The following LRP1B variants were observed in gnomAD, a reference collection of about 807,000 sequenced individuals.
LRP1B encodes the protein low-density lipoprotein receptor-related protein 1B.
Under a neutral mutation model 556.6 loss-of-function variants are expected in LRP1B, and 217 were observed. That is an observed-to-expected ratio of 0.39 (90% confidence interval 0.35 to 0.44). The LOEUF (loss-of-function observed/expected upper bound fraction) is 0.44. Ranked by LOEUF, LRP1B falls within the 20% of genes least tolerant of loss-of-function variation. The pLI, the probability that LRP1B is intolerant of heterozygous loss-of-function variation, is 1.00. For missense variants in LRP1B, 5,053 were observed against 5,620.8 expected, an observed-to-expected ratio of 0.90 and a Z score of 3.23; for synonymous variants, 2,047 against 1,865.8, an observed-to-expected ratio of 1.10 and a Z score of -2.50.
At chr2:141,082,224 T>A (rs1000748504) in intron 7 of LRP1B, among the ~76,000 whole-genome samples, 1 of 152,118 alleles carries the variant, frequency 6.6e-6, no homozygotes, top group Admixed American at 6.6e-5. Context: ...AAAAGAGTAG[T>A]GAAATGCCAA....
At chr2:140,479,351 C>T (rs751690147) in intron 59 of LRP1B, among the ~76,000 whole-genome samples, 1 of 151,122 alleles carries the variant, frequency 6.6e-6, no homozygotes, top group Non-Finnish European at 1.5e-5. Flanking sequence ...TGACAACTGC[C>T]GTGAAAATGT....
intron 2 of LRP1B, among the ~76,000 whole-genome samples, chr2:141,528,326 A>T (rs1223901876): frequency 6.6e-6 from 1 of 151,976 alleles, no homozygotes; most frequent in Non-Finnish European, 1.5e-5. Flanking sequence ...TGGTTATGAG[A>T]TCTTTGGACA....
At chr2:141,444,454 C>T (rs1287672087) in intron 3 of LRP1B, among the ~76,000 whole-genome samples, 1 of 152,110 alleles carries the variant, frequency 6.6e-6, no homozygotes, top group African/African-American at 2.4e-5. Context: ...CCAGAACTTC[C>T]AATACTATGT....
At chr2:141,594,557 T>A (rs562749660) in intron 2 of LRP1B, among the ~76,000 whole-genome samples, 6 of 152,264 alleles carry the variant, frequency 3.9e-5, no homozygotes, top group Non-Finnish European at 7.4e-5. Context: ...CTAAGCAACA[T>A]GGACAAATCA....
chr2:140,307,158 T>C (rs1219775536), intron 83 of LRP1B, among the ~76,000 whole-genome samples: 5 of 151,958 alleles, frequency 3.3e-5, no homozygotes, highest in Admixed American at 1.3e-4. Flanking sequence ...TAATTTGTTT[T>C]TGGTATTAGA....
At chr2:141,477,316 A>T (rs1442333911) in intron 3 of LRP1B, among the ~76,000 whole-genome samples, 1 of 151,642 alleles carries the variant, frequency 6.6e-6, no homozygotes, top group Non-Finnish European at 1.5e-5. Flanking sequence ...AAAAAAAGAA[A>T]GAATTTCCAA....
At chr2:141,206,490 CAG>C (rs764694179) in intron 6 of LRP1B, among the ~76,000 whole-genome samples, 95 of 151,972 alleles carry the variant, frequency 6.3e-4, no homozygotes, top group African/African-American at 1.3e-3. Context: ...GAGGCTGAGG[CAG>C]GGGAGAACGG....
chr2:140,357,047 G>A (rs1433990863), intron 74 of LRP1B, among the ~76,000 whole-genome samples: 1 of 151,656 alleles, frequency 6.6e-6, no homozygotes, highest in Non-Finnish European at 1.5e-5. Flanking sequence ...AACATTTTAG[G>A]ACAGACAAAA....
intron 35 of LRP1B, among the ~76,000 whole-genome samples, chr2:140,754,118 C>G (rs1472188156): frequency 5.3e-5 from 8 of 152,144 alleles, no homozygotes; most frequent in Admixed American, 5.2e-4. Context: ...AACCTCTCCC[C>G]AAAAGAACTG....
intron 66 of LRP1B, among the ~76,000 whole-genome samples, chr2:140,423,797 A>C (rs1389866120): frequency 6.6e-6 from 1 of 152,124 alleles, no homozygotes; most frequent in African/African-American, 2.4e-5. Context: ...ACATACAGTA[A>C]TCTAGACATT....
chr2:141,948,485 C>A (rs898246556), intron 1 of LRP1B, among the ~76,000 whole-genome samples: 1 of 151,888 alleles, frequency 6.6e-6, no homozygotes, highest in Non-Finnish European at 1.5e-5. Flanking sequence ...GAAAGACATT[C>A]TGAGTTTCAA....
intron 1 of LRP1B, among the ~76,000 whole-genome samples, chr2:142,035,563 T>G (rs1703847221): frequency 6.6e-6 from 1 of 151,712 alleles, no homozygotes; most frequent in Non-Finnish European, 1.5e-5. Flanking sequence ...TAAGTTACTT[T>G]CTTTCTTATA....
chr2:141,943,935 G>A (rs1042620308), intron 1 of LRP1B, among the ~76,000 whole-genome samples: 1 of 152,180 alleles, frequency 6.6e-6, no homozygotes, highest in Non-Finnish European at 1.5e-5. Context: ...AAGCGATAGA[G>A]GGGTTCCTGT....
intron 1 of LRP1B, among the ~76,000 whole-genome samples, chr2:141,819,256 CAAAAAAAA>C (rs201026416): frequency 6.7e-6 from 1 of 148,812 alleles, no homozygotes; most frequent in African/African-American, 2.5e-5. Context: ...AACAAACAAA[CAAAAAAAA>C]AAACAAAAAA....
chr2:141,679,674 C>A (rs1321024019), intron 2 of LRP1B, among the ~76,000 whole-genome samples: 1 of 151,988 alleles, frequency 6.6e-6, no homozygotes, highest in Non-Finnish European at 1.5e-5. Flanking sequence ...GAATGAAAAG[C>A]TGGACAAACT....
chr2:140,888,705 T>G (rs1693710943), intron 23 of LRP1B, among the ~76,000 whole-genome samples: 1 of 152,116 alleles, frequency 6.6e-6, no homozygotes, highest in South Asian at 2.1e-4. Context: ...GGCTCGTGCC[T>G]GTAATCCCAG....
intron 20 of LRP1B, among the ~76,000 whole-genome samples, chr2:140,929,753 G>GACAC (rs1259244233): frequency 1.3e-4 from 7 of 54,284 alleles, no homozygotes; most frequent in African/African-American, 3.6e-4. Context: ...CAGTCATATA[G>GACAC]ACTCACACAC....
chr2:141,518,459 C>A (rs1684405742), intron 2 of LRP1B, among the ~76,000 whole-genome samples: 1 of 152,118 alleles, frequency 6.6e-6, no homozygotes. Context: ...ATATTAGTGA[C>A]AATTTCAAGT....
intron 6 of LRP1B, among the ~76,000 whole-genome samples, chr2:141,210,211 G>C (rs1276794928): frequency 6.7e-6 from 1 of 150,358 alleles, no homozygotes; most frequent in Non-Finnish European, 1.5e-5. Flanking sequence ...CGTAAACATC[G>C]CTACAAGATT....
Sources: gnomAD v4.1 joint callset for allele counts (sites outside exome capture counted in the v4.1 genomes callset) on GRCh38, gnomAD v4.1.1 for gene constraint, MANE v1.5 for transcripts, NCBI Gene and HGNC (gene_info 2026-07-23, HGNC 2026-07-21) for gene names.